The following NRXN1 variants were observed in gnomAD, a reference collection of about 807,000 sequenced individuals.
NRXN1 encodes the protein neurexin-1.
Under a neutral mutation model 150.9 loss-of-function variants are expected in NRXN1, and 39 were observed. That is an observed-to-expected ratio of 0.26 (90% CI 0.20 to 0.34). The LOEUF (loss-of-function observed/expected upper bound fraction) is 0.34, where lower values mean the gene tolerates loss of function less well. Ranked by LOEUF, NRXN1 falls within the 10% of genes least tolerant of loss-of-function variation. The probability of loss-of-function intolerance (pLI) is 1.00; values close to 1 mark genes in which losing one functional copy is unlikely to be tolerated. For missense variants in NRXN1, 1,815 were observed against 1,949.9 expected (o/e 0.93, Z 1.30); for synonymous variants, 924 against 757.0 (o/e 1.22, Z -3.62).
intron 5 of NRXN1, among the ~76,000 whole-genome samples, chr2:50,747,781 G>A (rs1421270800): frequency 3.9e-5 from 6 of 152,028 alleles, no homozygotes; most frequent in East Asian, 1.9e-4. Context: ...ATATTACTTC[G>A]TTTCTTCTAT....
intron 5 of NRXN1, among the ~76,000 whole-genome samples, chr2:50,747,647 G>A (rs1438494919): frequency 1.3e-5 from 2 of 151,980 alleles, no homozygotes; most frequent in African/African-American, 4.8e-5. Flanking sequence ...TCTCAAGGCA[G>A]GTCAAGATTC....
At chr2:50,583,453 A>G (rs1204944363) in intron 8 of NRXN1, among the ~76,000 whole-genome samples, 2 of 152,096 alleles carry the variant, frequency 1.3e-5, no homozygotes, top group Admixed American at 6.6e-5. Flanking sequence ...CCAAGGGTGT[A>G]CTCCTATCAT....
chr2:49,990,215 T>G (rs984838217), intron 21 of NRXN1, among the ~76,000 whole-genome samples: 6 of 152,066 alleles, frequency 3.9e-5, no homozygotes, highest in Admixed American at 6.6e-5. Context: ...AGCCAACATA[T>G]GACTACAGGG....
At chr2:50,104,144 T>C (rs1028684149) in intron 18 of NRXN1, among the ~76,000 whole-genome samples, 2 of 151,990 alleles carry the variant, frequency 1.3e-5, no homozygotes, top group African/African-American at 4.8e-5. Context: ...TCATTAGTGG[T>C]CATCTACTGG....
chr2:50,533,789 T>A (rs2093180860), intron 10 of NRXN1, among the ~76,000 whole-genome samples: 2 of 152,158 alleles, frequency 1.3e-5, no homozygotes, highest in Non-Finnish European at 2.9e-5. Flanking sequence ...CACTTTTAGA[T>A]CCCTCTGTTT....
chr2:50,482,430 T>A (rs559558632), intron 15 of NRXN1, among the ~76,000 whole-genome samples: 3 of 152,196 alleles, frequency 2.0e-5, no homozygotes, highest in Non-Finnish European at 4.4e-5. Flanking sequence ...TTTTGTCTCA[T>A]CCAAATGACA....
At chr2:50,766,280 TGGATG>T (rs758637988) in intron 5 of NRXN1, among the ~76,000 whole-genome samples, 7 of 151,970 alleles carry the variant, frequency 4.6e-5, no homozygotes, top group Non-Finnish European at 1.0e-4. Context: ...GTCACTTACA[TGGATG>T]GGATGGGGTG....
At position 50,139,513 on chromosome 2, in the gene NRXN1, G is replaced by A. The variant is rs564601046; in HGVS notation, c.3547-48019C>T. Among the ~76,000 whole-genome samples, 7 of 152,004 alleles carry A rather than the reference G, an allele frequency of 4.6e-5. No homozygotes were observed. The East Asian group carries it at 1.2e-3, about 25-fold the overall frequency. On this transcript the variant is annotated intron_variant, in intron 18 of 22. Coordinates refer to ENST00000401669, the MANE Select transcript of NRXN1 (RefSeq NM_001330078.2). Reference sequence around the variant, plus strand: ...GATAAAGTTAGGGCAAAAGTATGACGGACAGCTGAAAAGTTCCATTCTTTT... The same window carrying A: ...GATAAAGTTAGGGCAAAAGTATGACAGACAGCTGAAAAGTTCCATTCTTTT...
intron 19 of NRXN1, among the ~76,000 whole-genome samples, chr2:50,077,260 A>G (rs1050601705): frequency 3.9e-5 from 6 of 152,182 alleles, no homozygotes; most frequent in Admixed American, 3.9e-4. Context: ...AAAAGGTTCT[A>G]TGAATGTTTG....
At chr2:50,665,229 TA>T (rs1017028700) in intron 5 of NRXN1, among the ~76,000 whole-genome samples, 8 of 151,978 alleles carry the variant, frequency 5.3e-5, no homozygotes, top group Middle Eastern at 6.3e-3. Flanking sequence ...TACCAGTTAA[TA>T]AAATAGACTC....
At chr2:50,487,729 T>C (rs1476265638) in intron 15 of NRXN1, among the ~76,000 whole-genome samples, 4 of 152,104 alleles carry the variant, frequency 2.6e-5, no homozygotes, top group African/African-American at 4.8e-5. Flanking sequence ...GATGAGACAA[T>C]TGCCTGAAAA....
At chr2:50,206,602 T>C (rs1483434983) in intron 18 of NRXN1, among the ~76,000 whole-genome samples, 1 of 151,912 alleles carries the variant, frequency 6.6e-6, no homozygotes, top group Non-Finnish European at 1.5e-5. Flanking sequence ...GGACAGCACA[T>C]TAAAAATTAC....
At chr2:50,649,152 T>C (rs538313911) in intron 5 of NRXN1, among the ~76,000 whole-genome samples, 46 of 151,806 alleles carry the variant, frequency 3.0e-4, no homozygotes, top group Non-Finnish European at 5.7e-4. Flanking sequence ...ATAGTTAGAA[T>C]TGTATTCAAA....
chr2:50,870,634 A>G (rs1022106301), intron 5 of NRXN1, among the ~76,000 whole-genome samples: 3 of 151,922 alleles, frequency 2.0e-5, no homozygotes, highest in Admixed American at 6.6e-5. Context: ...CTTGTAACCC[A>G]TGTGTTGCCC....
chr2:50,035,013 T>G (rs1689810015), intron 21 of NRXN1, among the ~76,000 whole-genome samples: 1 of 152,236 alleles, frequency 6.6e-6, no homozygotes, highest in African/African-American at 2.4e-5. Context: ...GTCATATACC[T>G]TTCTTATATT....
chr2:50,644,806 TAA>T (rs1684575857), intron 5 of NRXN1, among the ~76,000 whole-genome samples: 1 of 144,426 alleles, frequency 6.9e-6, no homozygotes, highest in African/African-American at 2.7e-5. Context: ...AATATATATA[TAA>T]TATATATGAA....
intron 5 of NRXN1, among the ~76,000 whole-genome samples, chr2:50,683,638 A>AT (rs1690758759): frequency 8.0e-5 from 1 of 12,536 alleles, no homozygotes; most frequent in Non-Finnish European, 1.5e-4. Context: ...TCTCAAAAAA[A>AT]AAAAAAAAAT....
chr2:50,702,277 A>C (rs1483676467), intron 5 of NRXN1, among the ~76,000 whole-genome samples: 2 of 152,104 alleles, frequency 1.3e-5, no homozygotes, highest in Admixed American at 1.3e-4. Flanking sequence ...ATAGATGAGC[A>C]TCCTACAGGC....
chr2:50,434,522 TGTGA>T lies in NRXN1; in HGVS notation c.3364+30916_3364+30919del, dbSNP rs552394106. Reference sequence around the variant, plus strand: ...TCCTGAAAGAAGGACAATGAGCTACTGTGAGTAAGTGACATATCCTGAATGAGAA... The same window carrying T: ...TCCTGAAAGAAGGACAATGAGCTACTGTAAGTGACATATCCTGAATGAGAA... On this transcript the variant is annotated intron_variant, in intron 17 of 22. Coordinates refer to ENST00000401669, the MANE Select transcript of NRXN1 (RefSeq NM_001330078.2). 3.3e-4 allele frequency among the ~76,000 whole-genome samples: 51 copies of T among 152,342 alleles called. No homozygotes were observed. In the South Asian group the frequency reaches 6.0e-3, roughly 18 times the overall value.
Sources: allele counts gnomAD v4.1 joint callset (sites outside exome capture counted in the v4.1 genomes callset), GRCh38; gene constraint gnomAD v4.1.1; transcripts MANE v1.5; gene names NCBI Gene and HGNC (gene_info 2026-07-23, HGNC 2026-07-21).